The following TNS1 variants were observed in gnomAD, a reference collection of about 807,000 sequenced individuals.
The protein encoded by TNS1 is tensin 1.
TNS1 carries 62 observed loss-of-function variants against 168.6 expected under a neutral mutation model. That is an observed-to-expected ratio of 0.37 (90% CI 0.30 to 0.45). The LOEUF is 0.45. TNS1 is among the 20% of genes least tolerant of loss of function. The probability of loss-of-function intolerance (pLI) is 1.00; values close to 1 mark genes in which losing one functional copy is unlikely to be tolerated. For synonymous variants in TNS1, 934 were observed against 933.2 expected, an observed-to-expected ratio of 1.00 and a Z score of -0.02; for missense variants, 2,240 against 2,339.4, an observed-to-expected ratio of 0.96 and a Z score of 0.88.
intron 18 of TNS1, among the ~76,000 whole-genome samples, chr2:217,860,487 C>T (rs1426593086): frequency 1.3e-5 from 2 of 152,166 alleles, no homozygotes; most frequent in Admixed American, 6.5e-5. Flanking sequence ...AATTATCCTC[C>T]TACCTCCATA....
chr2:217,948,284 G>C lies in TNS1; in HGVS notation c.187-28048C>G, dbSNP rs1253263755. 6.6e-6 allele frequency among the ~76,000 whole-genome samples: 1 copy of C among 152,180 alleles called. No individual in the cohort carries two copies. The highest frequency in any genetic ancestry group is 1.9e-4 in the East Asian group (1 of 5,188). On this transcript the variant is annotated intron_variant, in intron 3 of 32. Transcript: ENST00000682258. The surrounding 1 kb of genome is among the most constrained non-coding windows in gnomAD (Gnocchi z 4.1). The stretch of plus-strand genomic sequence containing the variant: ...AGTCTCTGGGGCAATTACTGGAGCC[G>C]CCTCCTCTAGCACCCTGGGCCCTCA...
Position 217,995,922 on chromosome 2 carries a change from G to A in TNS1, c.34-4866C>T, listed in dbSNP as rs746669451. On this transcript the variant is annotated intron_variant, in intron 1 of 32. Transcript: ENST00000682258. The surrounding 1 kb of genome is among the most constrained non-coding windows in gnomAD (Gnocchi z 4.1). The stretch of plus-strand genomic sequence containing the variant: ...GCATCAGAGGGCTTTCGTGGCCCTC[G>A]GGGCTTCCTCTCCCTTCCCTCCTTC... Among the ~76,000 whole-genome samples the A allele has an allele frequency of 2.8e-4, 43 of 152,282 alleles. No homozygotes were observed. The highest frequency in any genetic ancestry group is 8.3e-4 in the South Asian group (4 of 4,822).
At chr2:217,922,900 CT>C (rs1219308621) in intron 3 of TNS1, among the ~76,000 whole-genome samples, 1 of 152,238 alleles carries the variant, frequency 6.6e-6, no homozygotes, top group African/African-American at 2.4e-5. Flanking sequence ...GGCCAGCCCA[CT>C]GACTTTGTTG....
intron 18 of TNS1, among the ~76,000 whole-genome samples, chr2:217,855,589 T>C (rs983231617): frequency 6.9e-4 from 104 of 151,354 alleles, no homozygotes; most frequent in Admixed American, 1.9e-3. Context: ...TCCCTCTCCC[T>C]AGGGCCGGTT....
intron 12 of TNS1, among the ~76,000 whole-genome samples, chr2:217,889,072 C>T (rs1951499681): frequency 6.6e-6 from 1 of 152,232 alleles, no homozygotes; most frequent in East Asian, 1.9e-4. Flanking sequence ...CATGGCAAGC[C>T]AGAGGCTGAC....
At chr2:218,010,538 G>C (rs901483938), upstream of TNS1, 1 of 187,504 alleles carries the variant, frequency 5.3e-6, no homozygotes, top group East Asian at 1.2e-4. Context: ...CCTGCTTCCC[G>C]GGCGCGCTGC....
At chr2:217,953,708 GA>G (rs1957295471) in intron 3 of TNS1, among the ~76,000 whole-genome samples, 1 of 152,158 alleles carries the variant, frequency 6.6e-6, no homozygotes, top group Non-Finnish European at 1.5e-5. Flanking sequence ...TACACTAGGG[GA>G]GCCACAGGGT....
At chr2:217,818,800 T>C in intron 23 of TNS1, 41 bp from the exon 24 acceptor site, 1 of 1,518,280 alleles carries the variant, frequency 6.6e-7, no homozygotes, top group Non-Finnish European at 9.0e-7. Flanking sequence ...TGGACAGAAC[T>C]GAATGAAGGG....
chr2:217,907,758 T>C (rs1162320415), intron 4 of TNS1, among the ~76,000 whole-genome samples: 1 of 152,222 alleles, frequency 6.6e-6, no homozygotes, highest in Non-Finnish European at 1.5e-5. Context: ...GCCAGTCTCA[T>C]TACTTCAGTG....
At chr2:218,002,433 A>C (rs1958581887) in intron 1 of TNS1, among the ~76,000 whole-genome samples, 3 of 152,134 alleles carry the variant, frequency 2.0e-5, no homozygotes. Flanking sequence ...CAGCCCCACC[A>C]CTGCCTCCTC....
At chr2:217,859,398 C>T in intron 18 of TNS1, 2 of 507,150 alleles carry the variant, frequency 3.9e-6, no homozygotes, top group Non-Finnish European at 7.0e-6. Context: ...AGTCCAGGAG[C>T]CAGAACACTT....
chr2:217,921,063 T>C (rs916841480), intron 3 of TNS1, among the ~76,000 whole-genome samples: 3 of 151,472 alleles, frequency 2.0e-5, no homozygotes, highest in Admixed American at 1.3e-4. Context: ...GAGGGAAGGC[T>C]CCATCGCTCC....
chr2:217,852,535 T>C (rs1429224776), intron 18 of TNS1, among the ~76,000 whole-genome samples: 1 of 152,162 alleles, frequency 6.6e-6, no homozygotes, highest in Admixed American at 6.5e-5. Flanking sequence ...TGGGGGCAAA[T>C]TCAAATCAGA....
chr2:217,903,618 C>T (rs1953286844), intron 6 of TNS1: 2 of 1,536,150 alleles, frequency 1.3e-6, no homozygotes, highest in Admixed American at 2.0e-5. Flanking sequence ...AAACACAATC[C>T]TTCCTTTGCT....
At position 217,888,689 on chromosome 2, in the gene TNS1, G is replaced by C. The variant is rs117103942; in HGVS notation, c.867-2043C>G. ...TTGTAAGGGGAAACCCCTTTCCCTTGACCCTCTCTCTTCTCTTGTCTGTCA... is the reference window on the plus strand; with the variant it reads ...TTGTAAGGGGAAACCCCTTTCCCTTCACCCTCTCTCTTCTCTTGTCTGTCA... On this transcript the variant is annotated intron_variant, in intron 12 of 32. Transcript: ENST00000682258. 6.0e-3 allele frequency among the ~76,000 whole-genome samples: 915 copies of C among 152,222 alleles called. 18 individuals carry two copies. Among genetic ancestry groups the C allele is most frequent in the East Asian group, 0.057 (297 of 5,174 alleles).
intron 22 of TNS1, among the ~76,000 whole-genome samples, chr2:217,825,860 C>T (rs1943544739): frequency 2.0e-5 from 3 of 152,334 alleles, no homozygotes; most frequent in South Asian, 2.1e-4. Context: ...GTCCCATTGG[C>T]CCCTTCAGCT....
intron 1 of TNS1, among the ~76,000 whole-genome samples, chr2:218,024,524 G>A (rs1227594995): frequency 6.6e-6 from 1 of 152,120 alleles, no homozygotes; most frequent in Non-Finnish European, 1.5e-5. Flanking sequence ...GGACAGTCTG[G>A]ACTGCTCTGA....
intron 1 of TNS1, among the ~76,000 whole-genome samples, chr2:218,022,365 G>T (rs1958813175): frequency 6.6e-6 from 1 of 152,136 alleles, no homozygotes; most frequent in Non-Finnish European, 1.5e-5. Flanking sequence ...TCCCACTAAG[G>T]CCACTCAGCC....
Position 218,029,075 on chromosome 2 carries a change from C to T in TNS1, c.156+4745G>A, listed in dbSNP as rs757104453. 9.7e-4 allele frequency among the ~76,000 whole-genome samples: 148 copies of T among 152,236 alleles called. 1 individual carries two copies. The highest frequency in any genetic ancestry group is 2.2e-4 in the Non-Finnish European group (15 of 68,040). ...ATAGAGGGTGCAGCCCTATCTTCAG[C>T]CTCACGCCCTCCTGCCCCTGCTAGG... On this transcript the variant is annotated intron_variant, in intron 1 of 1. Transcript: ENST00000649572.
Sources: allele counts gnomAD v4.1 joint callset (sites outside exome capture counted in the v4.1 genomes callset), GRCh38; gene constraint gnomAD v4.1.1; non-coding constraint Gnocchi (gnomAD v3.1); transcripts MANE v1.5; gene names NCBI Gene and HGNC (gene_info 2026-07-23, HGNC 2026-07-21).